Variants in IL2RA observed in about 807,000 individuals in gnomAD.
The protein encoded by IL2RA is interleukin 2 receptor subunit alpha, also known as interleukin-2 receptor subunit alpha.
Under a neutral mutation model 37.8 loss-of-function variants are expected in IL2RA, and 24 were observed. That is an observed-to-expected ratio of 0.63 (90% confidence interval 0.46 to 0.89). IL2RA has a LOEUF of 0.89. Ranked by LOEUF, IL2RA falls within the 40% of genes least tolerant of loss-of-function variation. The probability of loss-of-function intolerance (pLI) is 0.00; values close to 1 mark genes in which losing one functional copy is unlikely to be tolerated. For missense variants in IL2RA, 319 were observed against 348.6 expected, an observed-to-expected ratio of 0.92 and a Z score of 0.68; for synonymous variants, 125 against 114.6, an observed-to-expected ratio of 1.09 and a Z score of -0.58.
intron 1 of IL2RA, among the ~76,000 whole-genome samples, chr10:6,031,461 T>C (rs1223226750): frequency 2.0e-4 from 2 of 9,992 alleles, no homozygotes; most frequent in Non-Finnish European, 3.6e-4. Flanking sequence ...TATACATATA[T>C]ATATATATAT....
At chr10:6,052,875 C>T (rs2132898121) in intron 1 of IL2RA, among the ~76,000 whole-genome samples, 1 of 125,916 alleles carries the variant, frequency 7.9e-6, no homozygotes, top group Admixed American at 8.1e-5. Context: ...GACACTGCCG[C>T]TTTCTCTAAA....
At chr10:6,034,262 T>A (rs1839644829) in intron 1 of IL2RA, among the ~76,000 whole-genome samples, 1 of 152,168 alleles carries the variant, frequency 6.6e-6, no homozygotes. Context: ...GAATTTAGGA[T>A]CTTGACACCT....
At chr10:6,041,082 C>T (rs41294715) in intron 1 of IL2RA, among the ~76,000 whole-genome samples, 27 of 150,372 alleles carry the variant, frequency 1.8e-4, no homozygotes, top group Non-Finnish European at 3.7e-4. Context: ...TTTAACATCA[C>T]GAGTACTTTG....
intron 1 of IL2RA, 40 bp downstream of exon 1, chr10:6,062,048 C>A: frequency 6.4e-7 from 1 of 1,551,042 alleles, no homozygotes; most frequent in Non-Finnish European, 8.9e-7. Flanking sequence ...GGATGCCCAT[C>A]AGCCTTCCCG....
chr10:6,060,008 A>G (rs900363148), intron 1 of IL2RA, among the ~76,000 whole-genome samples: 4 of 152,132 alleles, frequency 2.6e-5, no homozygotes, highest in Admixed American at 2.6e-4. Context: ...AGGAGTCCTT[A>G]TGGGACTCTA....
rs1463629791 is a variant in IL2RA, at chr10:6,020,693, C to G, written c.584-752G>C. Among the ~76,000 whole-genome samples the G allele has an allele frequency of 6.6e-6, 1 of 152,042 alleles. No individual in the cohort carries two copies. The highest frequency in any genetic ancestry group is 2.4e-5 in the African/African-American group (1 of 41,396). Reference sequence around the variant, plus strand: ...GATTACAGGCACCCACCACCACGCCCAGATAATTTTTGTATTTTTAGTAGA... The same window carrying G: ...GATTACAGGCACCCACCACCACGCCGAGATAATTTTTGTATTTTTAGTAGA... On this transcript the variant is annotated intron_variant, in intron 4 of 7. Transcript: ENST00000379959. This position sits in a 1 kb window ranked among gnomAD's most constrained non-coding sequence, Gnocchi z 5.6.
Position 6,016,832 on chromosome 10 carries a change from C to G in IL2RA, c.794+1221G>C, listed in dbSNP as rs566396702. On this transcript the variant is annotated intron_variant, in intron 7 of 7. Coordinates refer to ENST00000379959, the MANE Select transcript of IL2RA (RefSeq NM_000417.3). ...CAGGTAACCACCTGCCTCAGCCTCC[C>G]AAAGTGCTGGGATTACAGGCATGAG... is the stretch of plus-strand genomic sequence containing the variant. Among the ~76,000 whole-genome samples, 3 of 152,312 alleles carry G rather than the reference C, an allele frequency of 2.0e-5. No individual in the cohort carries two copies. In the East Asian group the frequency reaches 5.8e-4, roughly 29 times the overall value.
chr10:6,034,854 A>G (rs1246045725), intron 1 of IL2RA, among the ~76,000 whole-genome samples: 1 of 152,164 alleles, frequency 6.6e-6, no homozygotes, highest in Non-Finnish European at 1.5e-5. Context: ...GGGACCTGGG[A>G]GCTTGGGAGG....
At position 6,021,822 on chromosome 10, in the gene IL2RA, C is replaced by A; in HGVS notation, c.368-129G>T. On this transcript the variant is annotated intron_variant, in intron 3 of 7. Coordinates refer to ENST00000379959, the MANE Select transcript of IL2RA (RefSeq NM_000417.3). The surrounding 1 kb of genome is among the most constrained non-coding windows in gnomAD (Gnocchi z 4.9). ...ACTGCTTGCTCATCCTTTCATTCAA[C>A]CAATATATGTTGAGAACGTCTGAGC... 1.3e-6 allele frequency: 1 copy of A among 765,102 alleles called. No individual in the cohort carries two copies. The highest frequency in any genetic ancestry group is 2.3e-6 in the Non-Finnish European group (1 of 441,562). The allele number at this position is 765,102 out of a possible 1,614,324, so 47.4% of individuals were successfully genotyped here.
chr10:6,017,522 T>C (rs555983026), intron 7 of IL2RA, among the ~76,000 whole-genome samples: 8 of 151,770 alleles, frequency 5.3e-5, no homozygotes, highest in Non-Finnish European at 1.2e-4. Context: ...GTATAGTGGG[T>C]GCTCAATGAA....
chr10:6,019,336 C>T, intron 6 of IL2RA, 92 bp downstream of exon 6: 5 of 950,686 alleles, frequency 5.3e-6, no homozygotes, highest in South Asian at 1.3e-5. Context: ...ACCAACCTAC[C>T]AGCCAACCAA....
At chr10:6,026,944 G>T (rs1264338313) in intron 1 of IL2RA, among the ~76,000 whole-genome samples, 6 of 152,120 alleles carry the variant, frequency 3.9e-5, no homozygotes, top group East Asian at 1.9e-4. Context: ...GCTTCTCTGT[G>T]CCCTTAGACT....
intron 3 of IL2RA, 94 bp downstream of exon 3, chr10:6,024,150 C>T (rs1038233467): frequency 2.4e-6 from 2 of 820,838 alleles, no homozygotes; most frequent in African/African-American, 3.3e-5. Flanking sequence ...TTATAGAAGG[C>T]AGGGCAGACC....
chr10:6,052,978 G>A (rs568620518), intron 1 of IL2RA, among the ~76,000 whole-genome samples: 8 of 152,302 alleles, frequency 5.3e-5, no homozygotes, highest in African/African-American at 1.9e-4. Flanking sequence ...TGGTCCTTAA[G>A]CCATCCTGCA....
chr10:6,038,597 C>T (rs1839725594), intron 1 of IL2RA, among the ~76,000 whole-genome samples: 2 of 152,244 alleles, frequency 1.3e-5, no homozygotes, highest in Non-Finnish European at 2.9e-5. Context: ...TCTACTATTG[C>T]TGCCCTCATG....
chr10:6,011,928 A>G lies in IL2RA; in HGVS notation c.*944T>C, dbSNP rs1392326768. 1.3e-5 allele frequency: 2 copies of G among 152,320 alleles called. No individual in the cohort carries two copies. The highest frequency in any genetic ancestry group is 2.9e-5 in the Non-Finnish European group (2 of 68,078). The allele number at this position is 152,320 out of a possible 1,614,324, so 9.4% of individuals were successfully genotyped here. The stretch of plus-strand genomic sequence containing the variant: ...CTTCCTTCTTTCTTTCCTTCCTTGC[A>G]TAAACATTGAATGTACGGATCCCTT... On this transcript the variant is annotated 3_prime_UTR_variant, in exon 8 of 8. Transcript: ENST00000379959. This position sits in a 1 kb window ranked among gnomAD's most constrained non-coding sequence, Gnocchi z 5.2.
rs748211548 is a variant in IL2RA at position 6,047,334 on chromosome 10, A to T, written c.64+14754T>A. Reference sequence around the variant, plus strand: ...GTGCCACACTCAGAACGCGGGATGAACATAGAGGAAACACTAGAATGGCAA... The same window carrying T: ...GTGCCACACTCAGAACGCGGGATGATCATAGAGGAAACACTAGAATGGCAA... On this transcript the variant is annotated intron_variant, in intron 1 of 7. Transcript: ENST00000379959. This position sits in a 1 kb window ranked among gnomAD's most constrained non-coding sequence, Gnocchi z 5.0. Among the ~76,000 whole-genome samples the T allele has an allele frequency of 5.3e-5, 8 of 152,214 alleles. No homozygotes were observed. The highest frequency in any genetic ancestry group is 1.2e-4 in the Non-Finnish European group (8 of 68,034).
chr10:6,051,056 CTTT>C, intron 1 of IL2RA, among the ~76,000 whole-genome samples: 1 of 146,470 alleles, frequency 6.8e-6, no homozygotes, highest in East Asian at 2.0e-4. Flanking sequence ...ACCCCTCCAA[CTTT>C]TTTTTTTTTT....
At chr10:6,027,283 G>A (rs183209583) in intron 1 of IL2RA, among the ~76,000 whole-genome samples, 238 of 151,802 alleles carry the variant, frequency 1.6e-3, no homozygotes, top group South Asian at 4.4e-3. Context: ...CCGAGATCAC[G>A]CCACTGCACT....
Sources: gnomAD v4.1 joint callset for allele counts (sites outside exome capture counted in the v4.1 genomes callset) on GRCh38, gnomAD v4.1.1 for gene constraint, Gnocchi (gnomAD v3.1) non-coding constraint, MANE v1.5 for transcripts, NCBI Gene and HGNC (gene_info 2026-07-23, HGNC 2026-07-21) for gene names.